The following MTUS1 variants were observed in gnomAD, a reference collection of about 807,000 sequenced individuals.
MTUS1 encodes the protein microtubule associated scaffold protein 1, also known as microtubule-associated tumor suppressor 1.
A neutral mutation model predicts 120.8 loss-of-function variants in MTUS1; 109 were observed. That is an observed-to-expected ratio of 0.90 (90% confidence interval 0.77 to 1.06). The LOEUF (loss-of-function observed/expected upper bound fraction) is 1.06. Ranked by LOEUF, MTUS1 falls within the 50% of genes least tolerant of loss-of-function variation. MTUS1 has a pLI of 0.00. For missense variants in MTUS1, 2,210 were observed against 1,486.3 expected (o/e 1.49, Z -8.01); for synonymous variants, 737 against 550.5 (o/e 1.34, Z -4.74).
chr8:17,703,813 A>T (rs1010629163), intron 6 of MTUS1, among the ~76,000 whole-genome samples: 13 of 152,130 alleles, frequency 8.5e-5, no homozygotes, highest in Non-Finnish European at 1.8e-4. Context: ...TGCTGAACAT[A>T]GACCCTTATC....
chr8:17,765,249 G>A (rs370026134), intron 1 of MTUS1, among the ~76,000 whole-genome samples: 36 of 152,212 alleles, frequency 2.4e-4, no homozygotes, highest in African/African-American at 8.2e-4. Context: ...TTGCCCCCTC[G>A]CCTGAAGCCT....
At chr8:17,770,977 G>T (rs937567270) in intron 1 of MTUS1, among the ~76,000 whole-genome samples, 1 of 152,034 alleles carries the variant, frequency 6.6e-6, no homozygotes, top group Non-Finnish European at 1.5e-5. Flanking sequence ...CCAGTGATTT[G>T]GATAATGAAA....
chr8:17,792,666 C>G (rs1233777899), intron 1 of MTUS1, among the ~76,000 whole-genome samples: 1 of 152,226 alleles, frequency 6.6e-6, no homozygotes, highest in African/African-American at 2.4e-5. Flanking sequence ...GAGATTGCCA[C>G]CAGCCTGGCC....
intron 1 of MTUS1, among the ~76,000 whole-genome samples, chr8:17,765,117 T>C (rs1422960789): frequency 6.6e-6 from 1 of 152,170 alleles, no homozygotes; most frequent in Non-Finnish European, 1.5e-5. Flanking sequence ...ATACCTCGCA[T>C]GCACAGTTCA....
intron 3 of MTUS1, among the ~76,000 whole-genome samples, chr8:17,729,984 CA>C (rs36018422): frequency 0.02 from 1,715 of 85,852 alleles, 19 homozygotes; most frequent in African/African-American, 0.057. Context: ...ATGCTATCAT[CA>C]AAAAAAAAAA....
At chr8:17,657,918 T>G (rs1020391037) in intron 8 of MTUS1, among the ~76,000 whole-genome samples, 13 of 151,240 alleles carry the variant, frequency 8.6e-5, no homozygotes, top group African/African-American at 2.9e-4. Context: ...TATATGTATA[T>G]ATCTATGTGT....
At chr8:17,654,397 G>A in intron 10 of MTUS1, 164 bp downstream of exon 10, 2 of 598,976 alleles carry the variant, frequency 3.3e-6, no homozygotes, top group East Asian at 5.5e-5. Flanking sequence ...GTGGGAAAAG[G>A]CATCTGTTAA....
At chr8:17,712,990 A>C (rs1438089696) in intron 6 of MTUS1, among the ~76,000 whole-genome samples, 1 of 152,184 alleles carries the variant, frequency 6.6e-6, no homozygotes, top group Non-Finnish European at 1.5e-5. Flanking sequence ...TTTTTAAAAG[A>C]CTATAACTAT....
In MTUS1 at chr8:17,754,027, GA is replaced by G. The variant is rs1218786681; in HGVS notation, c.1780del (p.Ser594LeufsTer15). On this transcript the variant is annotated frameshift_variant, in exon 2 of 15. Transcript: ENST00000693296. LOFTEE classifies it high-confidence loss of function. ...TSQAVHVTTHSKNASHRVPRT... is the reference protein window; with the variant it reads ...TSQAVHVTTHXKNASHRVPRT... ...TGGAACCCTGTGTGAAGCATTTTTA[GA>G]ATGAGTTGTAACATGCACAGCCTGG... 2.5e-6 allele frequency: 4 copies of G among 1,614,044 alleles called. No homozygotes were observed. Among genetic ancestry groups the G allele is most frequent in the Non-Finnish European group, 3.4e-6 (4 of 1,180,044 alleles).
At chr8:17,735,477 G>T (rs997971283) in intron 3 of MTUS1, among the ~76,000 whole-genome samples, 2 of 152,176 alleles carry the variant, frequency 1.3e-5, no homozygotes, top group African/African-American at 4.8e-5. Flanking sequence ...CCTCCCTCGA[G>T]GCAGAGGCTC....
intron 1 of MTUS1, among the ~76,000 whole-genome samples, chr8:17,774,971 TA>T (rs76567642): frequency 0.038 from 3,683 of 96,962 alleles, 152 homozygotes; most frequent in African/African-American, 0.13. Flanking sequence ...ATATTATAAG[TA>T]AAAAAAAAAA....
At chr8:17,715,734 C>T in intron 5 of MTUS1, 33 bp downstream of exon 5, 1 of 1,578,060 alleles carries the variant, frequency 6.3e-7, no homozygotes, top group Non-Finnish European at 8.6e-7. Flanking sequence ...AAGCGTCTTG[C>T]CCTCCCTCTT....
At position 17,655,286 on chromosome 8, in the gene MTUS1, T is replaced by TAA. The variant is rs35229905; in HGVS notation, c.3108+575_3108+576dup. 8.2e-4 allele frequency among the ~76,000 whole-genome samples: 113 copies of TAA among 137,070 alleles called. 1 individual carries two copies. The highest frequency in any genetic ancestry group is 8.0e-3 in the East Asian group (38 of 4,726). 89.9% of individuals were successfully genotyped at this position (137,070 alleles called of 152,430 possible). Reference sequence around the variant, plus strand: ...AATGGGATATTTAAACAGATGCCACTAAAAAAAAAAAAAAGAAAGAAATGC... The same window carrying TAA: ...AATGGGATATTTAAACAGATGCCACTAAAAAAAAAAAAAAAAGAAAGAAATGC... On this transcript the variant is annotated intron_variant, in intron 9 of 14. Transcript: ENST00000693296.
In MTUS1 at chr8:17,776,399, T is replaced by C. The variant is rs531469414; in HGVS notation, c.-154-20438A>G. ...ACAGACAATACACAGAAGTCTCACA[T>C]ACGAGGCCCAGTGCAGTCAGGCCTG... On this transcript the variant is annotated intron_variant, in intron 1 of 14. Coordinates refer to ENST00000693296, the MANE Select transcript of MTUS1 (RefSeq NM_001363059.2). 2.6e-5 allele frequency among the ~76,000 whole-genome samples: 4 copies of C among 152,152 alleles called. No individual in the cohort carries two copies. In the South Asian group the frequency reaches 8.3e-4, roughly 32 times the overall value.
At chr8:17,679,668 A>C (rs963357733) in intron 7 of MTUS1, among the ~76,000 whole-genome samples, 3 of 151,730 alleles carry the variant, frequency 2.0e-5, no homozygotes, top group Non-Finnish European at 4.4e-5. Flanking sequence ...TGCCTGGCTA[A>C]TTTTTGTATT....
intron 8 of MTUS1, among the ~76,000 whole-genome samples, chr8:17,660,950 G>C (rs1003142206): frequency 6.6e-6 from 1 of 152,118 alleles, no homozygotes; most frequent in Non-Finnish European, 1.5e-5. Context: ...GCCATCGCAC[G>C]CAACTCAAGC....
intron 4 of MTUS1, 79 bp from the exon 5 acceptor site, chr8:17,715,980 G>T: frequency 7.2e-7 from 1 of 1,380,742 alleles, no homozygotes; most frequent in South Asian, 1.4e-5. Context: ...CTTTGTCCTT[G>T]AACCAACAAA....
intron 1 of MTUS1, among the ~76,000 whole-genome samples, chr8:17,789,244 T>A (rs540460566): frequency 2.0e-5 from 3 of 152,278 alleles, no homozygotes; most frequent in African/African-American, 7.2e-5. Context: ...TTGGTCAGGC[T>A]GGTCTCCAAC....
At chr8:17,707,278 G>A (rs994265234) in intron 6 of MTUS1, among the ~76,000 whole-genome samples, 1 of 152,136 alleles carries the variant, frequency 6.6e-6, no homozygotes, top group Non-Finnish European at 1.5e-5. Context: ...TCCACCCAAA[G>A]TCACTGGCTT....
Sources: gnomAD v4.1 joint callset for allele counts (sites outside exome capture counted in the v4.1 genomes callset) on GRCh38, gnomAD v4.1.1 for gene constraint, MANE v1.5 for transcripts, NCBI Gene and HGNC (gene_info 2026-07-23, HGNC 2026-07-21) for gene names.